PKHD1L1: variants seen among roughly 807,000 people sequenced by gnomAD.
PKHD1L1 encodes PKHD1 like 1, also known as fibrocystin-L.
A neutral mutation model predicts 462.9 loss-of-function variants in PKHD1L1; 434 were observed. The observed-to-expected ratio is 0.94, with a 90% CI of 0.87 to 1.02. The LOEUF is 1.02. PKHD1L1 is among the 50% of genes least tolerant of loss of function. The pLI is 0.00. For synonymous variants in PKHD1L1, 1,781 were observed against 1,750.0 expected, an observed-to-expected ratio of 1.02 and a Z score of -0.44; for missense variants, 5,202 against 5,096.1, an observed-to-expected ratio of 1.02 and a Z score of -0.63.
Position 109,400,704 on chromosome 8 carries a change from G to T in PKHD1L1, c.1281+360G>T, listed in dbSNP as rs148428761. Among the ~76,000 whole-genome samples the T allele has an allele frequency of 6.5e-3, 986 of 152,046 alleles. 7 individuals carry two copies. Among genetic ancestry groups the T allele is most frequent in the Middle Eastern group, 0.052 (15 of 290 alleles). On this transcript the variant is annotated intron_variant, in intron 13 of 77. Transcript: ENST00000378402. ...TATTAAATAATTTATGTAATCACTA[G>T]TTTTAATGACTAAGCAGTGTTATTA...
chr8:109,522,089 A>G, intron 73 of PKHD1L1, 97 bp from the exon 74 acceptor site: 2 of 1,211,960 alleles, frequency 1.7e-6, no homozygotes, highest in South Asian at 1.5e-5. Flanking sequence ...CTATAATGTG[A>G]TGGAGCAATG....
chr8:109,438,027 C>T (rs972913954), intron 30 of PKHD1L1, among the ~76,000 whole-genome samples: 1 of 152,110 alleles, frequency 6.6e-6, no homozygotes, highest in African/African-American at 2.4e-5. Flanking sequence ...CAGAGAATCA[C>T]TTCTCCAGAG....
At chr8:109,378,564 T>A (rs184103719) in intron 2 of PKHD1L1, among the ~76,000 whole-genome samples, 2 of 152,328 alleles carry the variant, frequency 1.3e-5, no homozygotes, top group East Asian at 3.9e-4. Flanking sequence ...TCCATGACTG[T>A]CTATAATACA....
At position 109,510,868 on chromosome 8, in the gene PKHD1L1, A is replaced by C. The variant is rs1279918139; in HGVS notation, c.11487A>C (p.Glu3829Asp). ...HSIVALNKSY[E>D]VYFTGTSPQN... is the part of the protein sequence containing the mutation. The stretch of plus-strand genomic sequence containing the variant: ...TTGTGGCTCTGAACAAATCTTATGA[A>C]GTTTACTTCACTGGCACCAGTCCTC... Residue 3829 changes from glutamate to aspartate, a missense_variant, in exon 71 of 78, where the codon GAA (glutamate) becomes GAC (aspartate). By Grantham distance (45) the Glu-to-Asp change is conservative. Around this residue, in one of 3 missense-constraint regions of PKHD1L1, gnomAD observed 698 missense variants for 736.3 expected, o/e 0.95. Transcript: ENST00000378402. 6.2e-6 allele frequency: 10 copies of C among 1,613,200 alleles called. No individual in the cohort carries two copies. In the East Asian group the frequency reaches 2.2e-4, roughly 36 times the overall value.
intron 14 of PKHD1L1, among the ~76,000 whole-genome samples, chr8:109,403,903 T>C (rs1371267350): frequency 6.6e-6 from 1 of 152,114 alleles, no homozygotes; most frequent in Admixed American, 6.6e-5. Flanking sequence ...AGTTTTGCAC[T>C]CTCTTGTTAA....
intron 68 of PKHD1L1, among the ~76,000 whole-genome samples, chr8:109,506,973 A>G (rs886876483): frequency 6.6e-6 from 1 of 152,182 alleles, no homozygotes; most frequent in Non-Finnish European, 1.5e-5. Context: ...AGATGAGGCC[A>G]AAATACCATC....
At chr8:109,450,736 C>T (rs890027685) in intron 40 of PKHD1L1, among the ~76,000 whole-genome samples, 1 of 152,180 alleles carries the variant, frequency 6.6e-6, no homozygotes, top group Non-Finnish European at 1.5e-5. Flanking sequence ...GAATGTTCTA[C>T]AGGAAGAGTC....
At chr8:109,524,812 C>CCTTT (rs1820732669) in intron 76 of PKHD1L1, among the ~76,000 whole-genome samples, 2 of 149,258 alleles carry the variant, frequency 1.3e-5, no homozygotes, top group African/African-American at 2.5e-5. Flanking sequence ...CTCCATCCCT[C>CCTTT]CTTCCTTCCT....
At chr8:109,468,996 G>A (rs1224144111) in intron 50 of PKHD1L1, among the ~76,000 whole-genome samples, 1 of 152,084 alleles carries the variant, frequency 6.6e-6, no homozygotes, top group Non-Finnish European at 1.5e-5. Context: ...ACCTTAATAT[G>A]CTACTCATCT....
Position 109,375,140 on chromosome 8 carries a change from A to C in PKHD1L1, c.164-6230A>C, listed in dbSNP as rs1431214200. Reference sequence around the variant, plus strand: ...CTCCCAGTCACTTTCAGGTACACCAATTAGACGTAGATTTGGTCTTTTCAC... The same window carrying C: ...CTCCCAGTCACTTTCAGGTACACCACTTAGACGTAGATTTGGTCTTTTCAC... On this transcript the variant is annotated intron_variant, in intron 2 of 77. Transcript: ENST00000378402. Among the ~76,000 whole-genome samples the C allele has an allele frequency of 2.6e-5, 4 of 152,352 alleles. No individual in the cohort carries two copies. In the East Asian group the frequency reaches 7.7e-4, roughly 29 times the overall value.
At chr8:109,494,538 T>C (rs566155221) in intron 63 of PKHD1L1, among the ~76,000 whole-genome samples, 19 of 152,104 alleles carry the variant, frequency 1.2e-4, no homozygotes, top group African/African-American at 4.3e-4. Context: ...GATGGAACAC[T>C]AGACTACTCG....
intron 71 of PKHD1L1, among the ~76,000 whole-genome samples, chr8:109,514,946 T>G (rs924599387): frequency 6.6e-6 from 1 of 152,096 alleles, no homozygotes. Flanking sequence ...TTTCTCTTAT[T>G]GTACTTTTCT....
intron 30 of PKHD1L1, among the ~76,000 whole-genome samples, chr8:109,437,834 G>A (rs915973370): frequency 1.3e-5 from 2 of 152,080 alleles, no homozygotes; most frequent in Non-Finnish European, 2.9e-5. Context: ...GTTGGGAATC[G>A]CATGGATACT....
In PKHD1L1 at chr8:109,531,819, G is replaced by A. The variant is rs1372317015; in HGVS notation, c.*1729G>A. On this transcript the variant is annotated 3_prime_UTR_variant, in exon 78 of 78. Transcript: ENST00000378402. ...ACAGAGCACTTTTATACTCCCCTCA[G>A]TTCCAACCCTGGTGGGGTGAAAAAC... Among the ~76,000 whole-genome samples, 3 of 152,146 alleles carry A rather than the reference G, an allele frequency of 2.0e-5. No individual in the cohort carries two copies. The highest frequency in any genetic ancestry group is 4.4e-5 in the Non-Finnish European group (3 of 68,024).
At chr8:109,496,427 C>G (rs1405329453) in intron 63 of PKHD1L1, among the ~76,000 whole-genome samples, 2 of 152,148 alleles carry the variant, frequency 1.3e-5, no homozygotes, top group Non-Finnish European at 2.9e-5. Context: ...ATTTCACAGA[C>G]AGTAAGCTCT....
chr8:109,521,965 T>C (rs1820573673), intron 73 of PKHD1L1, among the ~76,000 whole-genome samples: 1 of 152,176 alleles, frequency 6.6e-6, no homozygotes, highest in African/African-American at 2.4e-5. Flanking sequence ...TTATCTACCT[T>C]TGTTTTTCCT....
intron 50 of PKHD1L1, among the ~76,000 whole-genome samples, chr8:109,474,045 A>G (rs1035087782): frequency 2.6e-5 from 4 of 152,178 alleles, no homozygotes; most frequent in Non-Finnish European, 5.9e-5. Flanking sequence ...CAATAATCCA[A>G]CTAGTCACAG....
chr8:109,369,554 T>A (rs12334438), intron 2 of PKHD1L1, among the ~76,000 whole-genome samples: 95,406 of 151,836 alleles, frequency 0.63, 30,972 homozygotes, highest in African/African-American at 0.79. Context: ...TCAGAATGGT[T>A]GTTGTCTTGA....
chr8:109,412,205 G>C, intron 19 of PKHD1L1, 60 bp from the exon 20 acceptor site: 1 of 1,584,372 alleles, frequency 6.3e-7, no homozygotes, highest in Non-Finnish European at 8.6e-7. Flanking sequence ...GGGTGCACAC[G>C]TTGGGGGAAA....
Sources: gnomAD v4.1 joint callset for allele counts (sites outside exome capture counted in the v4.1 genomes callset) on GRCh38, gnomAD v4.1.1 for gene constraint, gnomAD v4.1.1 regional missense constraint, MANE v1.5 for transcripts, NCBI Gene and HGNC (gene_info 2026-07-23, HGNC 2026-07-21) for gene names.